Variants in CSMD1 observed in about 807,000 individuals in gnomAD.
CSMD1 encodes CUB and Sushi multiple domains 1.
In CSMD1, 213 loss-of-function variants were observed where a neutral mutation model predicts 417.5. The ratio of observed to expected loss-of-function variants is 0.51; its 90% CI spans 0.46 to 0.57. The LOEUF (loss-of-function observed/expected upper bound fraction) is 0.57. Ranked by LOEUF, CSMD1 falls within the 20% of genes least tolerant of loss-of-function variation. CSMD1 has a pLI of 0.00. For missense variants in CSMD1, 6,923 were observed against 4,529.7 expected (o/e 1.53, Z -15.17); for synonymous variants, 2,862 against 1,736.8 (o/e 1.65, Z -16.11).
At chr8:3,183,542 T>C (rs1194568465) in intron 36 of CSMD1, among the ~76,000 whole-genome samples, 1 of 96,040 alleles carries the variant, frequency 1.0e-5, no homozygotes, top group Non-Finnish European at 2.1e-5. Context: ...CTAATCTATC[T>C]ATCCCTGAAA....
chr8:3,914,197 A>G (rs1808649417), intron 5 of CSMD1, among the ~76,000 whole-genome samples: 1 of 152,132 alleles, frequency 6.6e-6, no homozygotes, highest in African/African-American at 2.4e-5. Flanking sequence ...ACCCCCAAAA[A>G]GAGGTAAGTA....
At chr8:3,693,084 G>C (rs1203801480) in intron 7 of CSMD1, among the ~76,000 whole-genome samples, 7 of 152,018 alleles carry the variant, frequency 4.6e-5, no homozygotes, top group Non-Finnish European at 1.5e-5. Flanking sequence ...ATTTATTCTA[G>C]ATGTTGAATA....
intron 25 of CSMD1, chr8:3,284,561 T>C (rs1395932658): frequency 7.2e-6 from 4 of 556,742 alleles, no homozygotes; most frequent in Non-Finnish European, 1.3e-5. Flanking sequence ...CCTCAGTCTG[T>C]CATGGACGCA....
At chr8:4,527,554 G>C in intron 2 of CSMD1, among the ~76,000 whole-genome samples, 1 of 152,108 alleles carries the variant, frequency 6.6e-6, no homozygotes, top group East Asian at 1.9e-4. Context: ...TGTTTGTAGA[G>C]ATAAGTGTTC....
Position 4,694,941 on chromosome 8 carries a change from C to A in CSMD1, c.86-57383G>T, listed in dbSNP as rs368394912. On this transcript the variant is annotated intron_variant, in intron 1 of 69. Coordinates refer to ENST00000635120, the MANE Select transcript of CSMD1 (RefSeq NM_033225.6). The stretch of plus-strand genomic sequence containing the variant: ...GGAAACTTCTCTAAAGCACTATGAA[C>A]ATACAGGTTCTAGGTTCTTGTACCT... Among the ~76,000 whole-genome samples the A allele has an allele frequency of 2.2e-4, 34 of 152,250 alleles. No homozygotes were observed. The East Asian group carries it at 6.2e-3, about 28-fold the overall frequency.
At chr8:4,355,340 T>C (rs1469314815) in intron 3 of CSMD1, among the ~76,000 whole-genome samples, 42 of 135,814 alleles carry the variant, frequency 3.1e-4, no homozygotes, top group African/African-American at 6.0e-4. Context: ...CACACACACG[T>C]ATATATGATA....
At chr8:3,053,864 T>C (rs1353906407) in intron 49 of CSMD1, among the ~76,000 whole-genome samples, 1 of 152,240 alleles carries the variant, frequency 6.6e-6, no homozygotes, top group African/African-American at 2.4e-5. Context: ...AGCCTTCTTT[T>C]ACTCAATCAG....
chr8:4,005,966 C>G (rs531243524), intron 4 of CSMD1, among the ~76,000 whole-genome samples: 1 of 152,054 alleles, frequency 6.6e-6, no homozygotes, highest in Non-Finnish European at 1.5e-5. Flanking sequence ...TCAATACATA[C>G]GAAAACTAAT....
At chr8:3,257,008 C>G (rs987291596) in intron 26 of CSMD1, among the ~76,000 whole-genome samples, 2 of 152,134 alleles carry the variant, frequency 1.3e-5, no homozygotes, top group Non-Finnish European at 2.9e-5. Flanking sequence ...ACTATTCATT[C>G]ATTTATTCCT....
intron 54 of CSMD1, among the ~76,000 whole-genome samples, chr8:2,989,330 A>C (rs1806185442): frequency 6.6e-6 from 1 of 152,166 alleles, no homozygotes; most frequent in Non-Finnish European, 1.5e-5. Flanking sequence ...TACTAGATTG[A>C]ATCTTAGTTC....
intron 3 of CSMD1, among the ~76,000 whole-genome samples, chr8:4,403,618 A>G (rs186340193): frequency 2.7e-4 from 41 of 152,140 alleles, no homozygotes; most frequent in Admixed American, 4.6e-4. Flanking sequence ...CCCCCTTTTC[A>G]CCATCTGGTC....
chr8:3,333,530 G>A (rs1690929217), intron 23 of CSMD1, among the ~76,000 whole-genome samples: 1 of 152,136 alleles, frequency 6.6e-6, no homozygotes, highest in South Asian at 2.1e-4. Flanking sequence ...ATGATATATA[G>A]ATACTGCAAT....
chr8:3,324,546 C>CTTCACT (rs1806392797), intron 23 of CSMD1, among the ~76,000 whole-genome samples: 1 of 143,292 alleles, frequency 7.0e-6, no homozygotes, highest in Non-Finnish European at 1.5e-5. Context: ...CCCCACCATT[C>CTTCACT]GTCACTGTTA....
chr8:4,373,154 C>G (rs1383504191), intron 3 of CSMD1, among the ~76,000 whole-genome samples: 2 of 152,164 alleles, frequency 1.3e-5, no homozygotes, highest in African/African-American at 2.4e-5. Context: ...TAGGGAGGAG[C>G]AACCCATGAT....
At chr8:3,759,999 T>C (rs894577659) in intron 5 of CSMD1, among the ~76,000 whole-genome samples, 5 of 151,922 alleles carry the variant, frequency 3.3e-5, no homozygotes, top group African/African-American at 1.2e-4. Context: ...CTGACCATTT[T>C]CTCTCCTGAT....
chr8:4,749,555 A>C (rs1287091873), intron 1 of CSMD1, among the ~76,000 whole-genome samples: 1 of 152,174 alleles, frequency 6.6e-6, no homozygotes, highest in African/African-American at 2.4e-5. Flanking sequence ...TTCTAAAACC[A>C]TGCTTGTTTA....
At chr8:4,072,418 T>C (rs911886433) in intron 3 of CSMD1, among the ~76,000 whole-genome samples, 1 of 152,176 alleles carries the variant, frequency 6.6e-6, no homozygotes, top group Admixed American at 6.5e-5. Flanking sequence ...TTTTACACCA[T>C]TATATTATTT....
At chr8:4,732,361 G>GTC (rs1291741328) in intron 1 of CSMD1, among the ~76,000 whole-genome samples, 5 of 148,100 alleles carry the variant, frequency 3.4e-5, no homozygotes, top group Non-Finnish European at 6.0e-5. Flanking sequence ...GTGTGTGTGT[G>GTC]TGTGTGTGTG....
chr8:4,828,045 G>A (rs1433509752), intron 1 of CSMD1, among the ~76,000 whole-genome samples: 1 of 151,990 alleles, frequency 6.6e-6, no homozygotes, highest in Non-Finnish European at 1.5e-5. Flanking sequence ...ATCAAAAGAA[G>A]CGTAGTGGGA....
Sources: gnomAD v4.1 joint callset for allele counts (sites outside exome capture counted in the v4.1 genomes callset) on GRCh38, gnomAD v4.1.1 for gene constraint, MANE v1.5 for transcripts, NCBI Gene and HGNC (gene_info 2026-07-23, HGNC 2026-07-21) for gene names.